The following FMNL2 variants were observed in gnomAD, a reference collection of about 807,000 sequenced individuals.
FMNL2 encodes the protein formin like 2.
Under a neutral mutation model 130.2 loss-of-function variants are expected in FMNL2, and 51 were observed. The observed-to-expected ratio is 0.39, with a 90% CI of 0.31 to 0.49. The LOEUF is 0.49. Among genes scored for constraint, FMNL2 ranks in the 20% least tolerant of loss-of-function variants. FMNL2 has a pLI of 0.85. For missense variants in FMNL2, 977 were observed against 1,316.2 expected (o/e 0.74, Z 3.99); for synonymous variants, 465 against 467.1 (o/e 1.00, Z 0.06).
At chr2:152,570,677 C>G (rs1328390369) in intron 6 of FMNL2, among the ~76,000 whole-genome samples, 1 of 152,152 alleles carries the variant, frequency 6.6e-6, no homozygotes, top group East Asian at 1.9e-4. Flanking sequence ...CTTTCCAATC[C>G]TCACATCTCA....
At chr2:152,583,921 C>T (rs1227407723) in intron 9 of FMNL2, among the ~76,000 whole-genome samples, 1 of 152,114 alleles carries the variant, frequency 6.6e-6, no homozygotes, top group East Asian at 1.9e-4. Flanking sequence ...ATCCTAATAG[C>T]CATGGGAATG....
chr2:152,473,887 T>C (rs1015637969), intron 1 of FMNL2, among the ~76,000 whole-genome samples: 1 of 152,172 alleles, frequency 6.6e-6, no homozygotes, highest in African/African-American at 2.4e-5. Context: ...AATTTATTTA[T>C]TTACTTACTT....
chr2:152,516,359 C>T (rs1399158081), intron 1 of FMNL2, among the ~76,000 whole-genome samples: 1 of 152,044 alleles, frequency 6.6e-6, no homozygotes, highest in Non-Finnish European at 1.5e-5. Flanking sequence ...TTCCTGTAAA[C>T]CTCTGTATCT....
intron 1 of FMNL2, among the ~76,000 whole-genome samples, chr2:152,343,895 G>A (rs114142439): frequency 0.015 from 2,344 of 152,254 alleles, 61 homozygotes; most frequent in East Asian, 0.047. Flanking sequence ...GCTCACGCCT[G>A]TAATCCCAGC....
At chr2:152,382,117 GT>G in intron 1 of FMNL2, among the ~76,000 whole-genome samples, 1 of 152,176 alleles carries the variant, frequency 6.6e-6, no homozygotes, top group Middle Eastern at 3.4e-3. Context: ...TTACATACCG[GT>G]TTTAACCATG....
chr2:152,511,807 G>A (rs1454397009), intron 1 of FMNL2, among the ~76,000 whole-genome samples: 1 of 152,160 alleles, frequency 6.6e-6, no homozygotes, highest in African/African-American at 2.4e-5. Flanking sequence ...TTCCAGGGCA[G>A]TGGGACAGGT....
At chr2:152,441,821 C>T (rs1688064179) in intron 1 of FMNL2, among the ~76,000 whole-genome samples, 1 of 137,670 alleles carries the variant, frequency 7.3e-6, no homozygotes, top group Admixed American at 7.4e-5. Context: ...GGCAACAGAG[C>T]GACACTCCGT....
intron 1 of FMNL2, among the ~76,000 whole-genome samples, chr2:152,439,879 C>T (rs1687967440): frequency 6.6e-6 from 1 of 150,634 alleles, no homozygotes; most frequent in Admixed American, 6.6e-5. Flanking sequence ...AGCCATATAG[C>T]AGGTGCTTAG....
chr2:152,612,636 G>A (rs1182467600), intron 11 of FMNL2, among the ~76,000 whole-genome samples: 2 of 151,966 alleles, frequency 1.3e-5, no homozygotes, highest in Non-Finnish European at 2.9e-5. Context: ...TTTTTTTTGA[G>A]ACAGGGTTTC....
intron 9 of FMNL2, among the ~76,000 whole-genome samples, chr2:152,606,381 A>G (rs1698355403): frequency 6.6e-6 from 1 of 152,236 alleles, no homozygotes; most frequent in African/African-American, 2.4e-5. Flanking sequence ...AAAGTCAACC[A>G]AGGACATTGA....
intron 1 of FMNL2, among the ~76,000 whole-genome samples, chr2:152,394,865 A>G (rs957256981): frequency 1.3e-5 from 2 of 152,146 alleles, no homozygotes; most frequent in African/African-American, 4.8e-5. Flanking sequence ...CCTAAAATGT[A>G]ATTTGAGGAT....
chr2:152,556,587 T>C (rs958150193), intron 4 of FMNL2, among the ~76,000 whole-genome samples: 4 of 152,214 alleles, frequency 2.6e-5, no homozygotes, highest in African/African-American at 9.6e-5. Context: ...ATTGTAACTC[T>C]GGCTGTACTT....
chr2:152,454,525 C>T (rs981284414), intron 1 of FMNL2, among the ~76,000 whole-genome samples: 2 of 152,114 alleles, frequency 1.3e-5, no homozygotes, highest in Non-Finnish European at 2.9e-5. Context: ...CCTGCTGGAT[C>T]ACGGGTAGCA....
intron 20 of FMNL2, among the ~76,000 whole-genome samples, chr2:152,631,556 C>T (rs1334244247): frequency 1.3e-5 from 2 of 151,976 alleles, no homozygotes; most frequent in Non-Finnish European, 2.9e-5. Context: ...GGGTGATTCT[C>T]GGTCTAGGGT....
At chr2:152,626,266 A>G (rs1681778126) in intron 16 of FMNL2, among the ~76,000 whole-genome samples, 2 of 152,070 alleles carry the variant, frequency 1.3e-5, no homozygotes, top group South Asian at 4.1e-4. Context: ...CAAACTCCTG[A>G]CCTTAAGTGA....
intron 2 of FMNL2, among the ~76,000 whole-genome samples, chr2:152,533,147 T>G (rs938053204): frequency 6.6e-6 from 1 of 152,218 alleles, no homozygotes; most frequent in Non-Finnish European, 1.5e-5. Context: ...TTGTCTACCT[T>G]CAGGTCACAG....
At chr2:152,598,247 G>C (rs2105805827) in intron 9 of FMNL2, among the ~76,000 whole-genome samples, 1 of 152,236 alleles carries the variant, frequency 6.6e-6, no homozygotes, top group South Asian at 2.1e-4. Context: ...TGACCTAATT[G>C]GATATGCTCA....
Position 152,625,577 on chromosome 2 carries a change from G to T in FMNL2, c.1962+15G>T. On this transcript the variant is annotated intron_variant, in intron 16 of 25. Coordinates refer to ENST00000288670, the MANE Select transcript of FMNL2 (RefSeq NM_052905.4). ...GAATTCTGGAGGTATTTTTCTCATTGGTTAGAAACTAGAGGTGCACTCTGT... is the reference window on the plus strand; with the variant it reads ...GAATTCTGGAGGTATTTTTCTCATTTGTTAGAAACTAGAGGTGCACTCTGT... The T allele has an allele frequency of 1.3e-6, 2 of 1,598,456 alleles. No individual in the cohort carries two copies. The highest frequency in any genetic ancestry group is 1.7e-6 in the Non-Finnish European group (2 of 1,167,322).
At chr2:152,409,963 G>T (rs1686193701) in intron 1 of FMNL2, among the ~76,000 whole-genome samples, 1 of 152,152 alleles carries the variant, frequency 6.6e-6, no homozygotes, top group Non-Finnish European at 1.5e-5. Context: ...TAATAGTCTA[G>T]GTGTGTGAAC....
Sources: gnomAD v4.1 joint callset for allele counts (sites outside exome capture counted in the v4.1 genomes callset) on GRCh38, gnomAD v4.1.1 for gene constraint, MANE v1.5 for transcripts, NCBI Gene and HGNC (gene_info 2026-07-23, HGNC 2026-07-21) for gene names.